TBL1XR1: variants seen among roughly 807,000 people sequenced by gnomAD.
TBL1XR1 encodes F-box-like/WD repeat-containing protein TBL1XR1.
In TBL1XR1, 5 loss-of-function variants were observed where a neutral mutation model predicts 66.9. That is an observed-to-expected ratio of 0.07 (90% CI 0.04 to 0.16). TBL1XR1 has a LOEUF of 0.16. TBL1XR1 is among the 10% of genes least tolerant of loss of function. The pLI, the probability that TBL1XR1 is intolerant of heterozygous loss-of-function variation, is 1.00. For missense variants in TBL1XR1, 238 were observed against 623.2 expected (o/e 0.38, Z 6.58); for synonymous variants, 210 against 206.0 (o/e 1.02, Z -0.17).
intron 1 of TBL1XR1, among the ~76,000 whole-genome samples, chr3:177,132,465 G>A (rs1728420990): frequency 6.6e-6 from 1 of 152,186 alleles, no homozygotes; most frequent in South Asian, 2.1e-4. Context: ...ACCACAGATT[G>A]ATGAGCACTG....
At position 177,138,489 on chromosome 3, in the gene TBL1XR1, G is replaced by A. The variant is rs370370197; in HGVS notation, c.-121-39948C>T. Among the ~76,000 whole-genome samples, 8 of 152,260 alleles carry A rather than the reference G, an allele frequency of 5.3e-5. No homozygotes were observed. The East Asian group carries it at 1.2e-3, about 22-fold the overall frequency. ...CTCCTGTGATCCCAGCTACTTGGGA[G>A]GCTGAGGTGAGAGGATCACTTGAGC... On this transcript the variant is annotated intron_variant, in intron 1 of 15. Transcript: ENST00000457928.
At chr3:177,114,603 A>G (rs1577210358) in intron 1 of TBL1XR1, among the ~76,000 whole-genome samples, 2 of 151,954 alleles carry the variant, frequency 1.3e-5, no homozygotes, top group South Asian at 2.1e-4. Context: ...CCCAGCCAAT[A>G]TATGTATTTC....
intron 10 of TBL1XR1, among the ~76,000 whole-genome samples, chr3:177,044,458 G>C (rs533350764): frequency 1.3e-5 from 2 of 152,190 alleles, no homozygotes; most frequent in South Asian, 4.2e-4. Context: ...GACCAAAAAA[G>C]AGTATATACT....
At chr3:177,176,935 G>A (rs1349976264) in intron 1 of TBL1XR1, among the ~76,000 whole-genome samples, 1 of 152,092 alleles carries the variant, frequency 6.6e-6, no homozygotes, top group Non-Finnish European at 1.5e-5. Context: ...GGCAGTGATC[G>A]CACCACTTTA....
intron 2 of TBL1XR1, among the ~76,000 whole-genome samples, chr3:177,069,426 T>G (rs561349818): frequency 4.4e-4 from 67 of 151,956 alleles, no homozygotes; most frequent in African/African-American, 1.3e-3. Context: ...CACCAACATA[T>G]AAAGACATAA....
chr3:177,161,677 G>A (rs568907759), intron 1 of TBL1XR1, among the ~76,000 whole-genome samples: 5 of 151,952 alleles, frequency 3.3e-5, no homozygotes, highest in East Asian at 1.9e-4. Context: ...CCAGCTACTC[G>A]GGAGGCTGAT....
intron 2 of TBL1XR1, among the ~76,000 whole-genome samples, chr3:177,071,016 A>T (rs1310639699): frequency 2.8e-5 from 4 of 143,498 alleles, no homozygotes; most frequent in Non-Finnish European, 4.5e-5. Flanking sequence ...TGGAACAGAC[A>T]TGTTCTGAGA....
chr3:177,080,629 A>G (rs950882965), intron 2 of TBL1XR1, among the ~76,000 whole-genome samples: 5 of 152,176 alleles, frequency 3.3e-5, no homozygotes, highest in African/African-American at 7.2e-5. Flanking sequence ...GAAAAAATAT[A>G]TATTTTTTTT....
At chr3:177,049,342 C>T (rs749329310) in intron 7 of TBL1XR1, among the ~76,000 whole-genome samples, 6 of 151,952 alleles carry the variant, frequency 3.9e-5, no homozygotes, top group Admixed American at 2.6e-4. Flanking sequence ...GGTAGCGGAG[C>T]GAGGTAAGAG....
intron 4 of TBL1XR1, among the ~76,000 whole-genome samples, chr3:177,052,077 G>A (rs1261733858): frequency 2.0e-5 from 3 of 152,192 alleles, no homozygotes; most frequent in African/African-American, 7.2e-5. Flanking sequence ...ATGGAATATA[G>A]TTCATATAAT....
chr3:177,169,849 CT>C (rs1268745017), intron 1 of TBL1XR1, among the ~76,000 whole-genome samples: 1 of 152,210 alleles, frequency 6.6e-6, no homozygotes, highest in African/African-American at 2.4e-5. Flanking sequence ...ATCCTTCCCC[CT>C]AATTCACTCC....
intron 1 of TBL1XR1, chr3:177,193,952 C>T (rs2109018274): frequency 6.6e-6 from 1 of 152,258 alleles, no homozygotes; most frequent in South Asian, 2.1e-4. Flanking sequence ...ATAGGATTAG[C>T]CTAGGGTATA....
chr3:177,144,621 G>C (rs115027586), intron 1 of TBL1XR1, among the ~76,000 whole-genome samples: 2,382 of 152,088 alleles, frequency 0.016, 66 homozygotes, highest in African/African-American at 0.055. Flanking sequence ...GGGTGTGGTA[G>C]CGGGTGCCTG....
At chr3:177,116,539 A>G (rs973849463) in intron 1 of TBL1XR1, among the ~76,000 whole-genome samples, 3 of 152,212 alleles carry the variant, frequency 2.0e-5, no homozygotes, top group Non-Finnish European at 2.9e-5. Context: ...TATCCATTTT[A>G]CATGCCTGTC....
chr3:177,092,340 A>G (rs1163722554), intron 2 of TBL1XR1, among the ~76,000 whole-genome samples: 1 of 152,206 alleles, frequency 6.6e-6, no homozygotes, highest in Admixed American at 6.5e-5. Flanking sequence ...CTTTAGCTAT[A>G]ACCACCAATT....
intron 10 of TBL1XR1, 90 bp downstream of exon 10, chr3:177,046,039 C>T: frequency 9.7e-7 from 1 of 1,033,174 alleles, no homozygotes; most frequent in South Asian, 1.6e-5. Context: ...CTTGATATTT[C>T]AACATTTAAA....
intron 3 of TBL1XR1, among the ~76,000 whole-genome samples, chr3:177,060,032 C>T (rs948446726): frequency 1.3e-5 from 2 of 152,150 alleles, no homozygotes; most frequent in Admixed American, 1.3e-4. Flanking sequence ...GTTCTCGGGC[C>T]TTTGGCCACA....
At chr3:177,183,930 T>G (rs546621416) in intron 1 of TBL1XR1, among the ~76,000 whole-genome samples, 1 of 152,108 alleles carries the variant, frequency 6.6e-6, no homozygotes, top group Admixed American at 6.5e-5. Flanking sequence ...AGTAACATAC[T>G]GAGAGTTCAC....
intron 1 of TBL1XR1, among the ~76,000 whole-genome samples, chr3:177,193,749 T>C (rs1736463797): frequency 7.2e-6 from 1 of 139,832 alleles, no homozygotes; most frequent in Non-Finnish European, 1.6e-5. Context: ...AAACACAAGT[T>C]TTTGGAAGGA....
Sources: gnomAD v4.1 joint callset for allele counts (sites outside exome capture counted in the v4.1 genomes callset) on GRCh38, gnomAD v4.1.1 for gene constraint, MANE v1.5 for transcripts, NCBI Gene and HGNC (gene_info 2026-07-23, HGNC 2026-07-21) for gene names.